WDR20: variants seen among roughly 807,000 people sequenced by gnomAD.
WDR20 encodes WD repeat-containing protein 20.
In WDR20, 3 loss-of-function variants were observed where a neutral mutation model predicts 38.7. That is an observed-to-expected ratio of 0.08 (90% confidence interval 0.04 to 0.20). WDR20 has a LOEUF of 0.20. WDR20 is among the 10% of genes least tolerant of loss of function. The probability of loss-of-function intolerance (pLI) is 1.00; values close to 1 mark genes in which losing one functional copy is unlikely to be tolerated. For missense variants in WDR20, 559 were observed against 727.7 expected (o/e 0.77, Z 2.67); for synonymous variants, 298 against 285.6 (o/e 1.04, Z -0.44).
At chr14:102,183,097 C>T (rs1419958558) in intron 1 of WDR20, among the ~76,000 whole-genome samples, 1 of 151,938 alleles carries the variant, frequency 6.6e-6, no homozygotes. Context: ...GTGCCATGAA[C>T]ATTTTTTTTA....
downstream of WDR20, chr14:102,214,105 G>A: frequency 1.0e-6 from 1 of 985,594 alleles, no homozygotes; most frequent in Non-Finnish European, 1.2e-6. Context: ...TGTGCCCTTG[G>A]CTGAGGTTTC....
intron 1 of WDR20, among the ~76,000 whole-genome samples, chr14:102,174,698 C>T (rs549481767): frequency 6.6e-6 from 1 of 152,298 alleles, no homozygotes; most frequent in South Asian, 2.1e-4. Flanking sequence ...GGACTACAGG[C>T]GTGAGCCACC....
chr14:102,174,287 G>T (rs1466057839), intron 1 of WDR20, among the ~76,000 whole-genome samples: 1 of 152,116 alleles, frequency 6.6e-6, no homozygotes, highest in African/African-American at 2.4e-5. Context: ...TCAAATGGAA[G>T]ATCTACTTTT....
chr14:102,173,654 C>A (rs2061468816), intron 1 of WDR20, among the ~76,000 whole-genome samples: 1 of 147,440 alleles, frequency 6.8e-6, no homozygotes, highest in African/African-American at 2.5e-5. Flanking sequence ...CCCCAAAGTT[C>A]ATTATATCAT....
Position 102,155,785 on chromosome 14 carries a change from C to CT in WDR20, c.249+15625dup, listed in dbSNP as rs1175213294. Among the ~76,000 whole-genome samples the CT allele has an allele frequency of 8.5e-3, 1,221 of 144,430 alleles. 15 individuals are homozygous for CT. Among genetic ancestry groups the CT allele is most frequent in the African/African-American group, 0.026 (1,032 of 39,646 alleles). The allele number at this position is 144,430 out of a possible 152,430, so 94.8% of individuals were successfully genotyped here. On this transcript the variant is annotated intron_variant, in intron 1 of 2. Transcript: ENST00000342702. Reference sequence around the variant, plus strand: ...CAATGAAAATCACAGACATTTTTTCCTTTTTTTTTTTTGAGAGGGTCTCCC... The same window carrying CT: ...CAATGAAAATCACAGACATTTTTTCCTTTTTTTTTTTTTGAGAGGGTCTCCC...
At chr14:102,143,690 G>A (rs2052376509) in intron 1 of WDR20, among the ~76,000 whole-genome samples, 2 of 151,840 alleles carry the variant, frequency 1.3e-5, no homozygotes, top group East Asian at 2.0e-4. Context: ...GACTACAGGT[G>A]CGTACCACCA....
chr14:102,170,689 T>C (rs981932797), intron 1 of WDR20, among the ~76,000 whole-genome samples: 4 of 152,068 alleles, frequency 2.6e-5, no homozygotes, highest in Admixed American at 1.3e-4. Context: ...TTTTTAAATT[T>C]TTTTAGAGAT....
rs934010369 is a variant in WDR20 at position 102,221,258 on chromosome 14, C to T, written c.1693-1572C>T. On this transcript the variant is annotated intron_variant, in intron 3 of 3. Transcript: ENST00000335263. The surrounding 1 kb of genome is among the most constrained non-coding windows in gnomAD (Gnocchi z 4.8). The stretch of plus-strand genomic sequence containing the variant: ...GCTGGGTCACCACCACTTTCTCCCT[C>T]TGCCAGGAGTAGATGACTTTTCTGT... Among the ~76,000 whole-genome samples the T allele has an allele frequency of 1.3e-5, 2 of 152,234 alleles. No homozygotes were observed. The highest frequency in any genetic ancestry group is 2.9e-5 in the Non-Finnish European group (2 of 68,040).
chr14:102,151,173 A>ATTTTTTTTTTTTTT (rs534503694), intron 1 of WDR20, among the ~76,000 whole-genome samples: 6 of 111,548 alleles, frequency 5.4e-5, no homozygotes, highest in East Asian at 2.4e-4. Context: ...CCATTGGGGA[A>ATTTTTTTTTTTTTT]TTTTTTTTTT....
At chr14:102,160,947 CAAAAAAAAAAA>C (rs57488628) in intron 1 of WDR20, among the ~76,000 whole-genome samples, 2 of 54,650 alleles carry the variant, frequency 3.7e-5, no homozygotes, top group African/African-American at 7.2e-5. Flanking sequence ...GACTCTGTCT[CAAAAAAAAAAA>C]AAAAAAAAAG....
rs116043724 is a variant in WDR20 at position 102,182,621 on chromosome 14, C to A, written c.250-12317C>A. 4.6e-3 allele frequency among the ~76,000 whole-genome samples: 693 copies of A among 152,100 alleles called. 6 individuals are homozygous for A. Among genetic ancestry groups the A allele is most frequent in the African/African-American group, 0.015 (642 of 41,504 alleles). On this transcript the variant is annotated intron_variant, in intron 1 of 2. Transcript: ENST00000342702. ...ACAGATTTTTCTGTGACCCTAATAC[C>A]AAGCAATGACATGCTTTTAAACTAC...
downstream of WDR20, among the ~76,000 whole-genome samples, chr14:102,218,497 C>G (rs2063496523): frequency 6.6e-6 from 1 of 152,258 alleles, no homozygotes; most frequent in African/African-American, 2.4e-5. Flanking sequence ...CGAGCAGCAC[C>G]TGCAGGGGCA....
chr14:102,141,923 T>A (rs1438045094), intron 1 of WDR20, among the ~76,000 whole-genome samples: 1 of 152,180 alleles, frequency 6.6e-6, no homozygotes, highest in African/African-American at 2.4e-5. Flanking sequence ...AATTTTTTTT[T>A]CTTTGAAATG....
chr14:102,214,045 G>T (rs2062897450), downstream of WDR20: 6 of 985,600 alleles, frequency 6.1e-6, no homozygotes, highest in African/African-American at 1.7e-5. Context: ...GCCGGTGGAT[G>T]GGGGAGGGAC....
intron 1 of WDR20, among the ~76,000 whole-genome samples, chr14:102,144,024 T>C (rs1008952312): frequency 2.0e-5 from 3 of 149,658 alleles, no homozygotes; most frequent in Non-Finnish European, 4.4e-5. Context: ...AAAAAAATAA[T>C]AAAAAAAAAA....
chr14:102,150,740 C>A (rs913222278), intron 1 of WDR20, among the ~76,000 whole-genome samples: 1 of 152,010 alleles, frequency 6.6e-6, no homozygotes, highest in Non-Finnish European at 1.5e-5. Context: ...AAGCAGTATG[C>A]CAGACTTTGG....
rs759623756 is a variant in WDR20 at position 102,208,854 on chromosome 14, C to A, written c.684C>A (p.Phe228Leu). The change falls in exon 3 of 3, where the codon TTC becomes TTA. Residue 228 changes from phenylalanine to leucine, a missense_variant. By Grantham distance (22) the Phe-to-Leu change is conservative. Coordinates refer to ENST00000342702, the MANE Select transcript of WDR20 (RefSeq NM_144574.4). The surrounding 1 kb of genome is among the most constrained non-coding windows in gnomAD (Gnocchi z 5.6). ...AGGGGGCCCTCAACGAGTTTGCTTT[C>A]TCCCCAGATGGCAAGTTCTTAGCGT... ...VGEGALNEFA[F>L]SPDGKFLACV... 1.2e-6 allele frequency: 2 copies of A among 1,614,252 alleles called. No homozygotes were observed. Among genetic ancestry groups the A allele is most frequent in the South Asian group, 2.2e-5 (2 of 91,088 alleles).
At chr14:102,173,465 TTATTATTATTATTA>T (rs1566913393) in intron 1 of WDR20, among the ~76,000 whole-genome samples, 20 of 145,366 alleles carry the variant, frequency 1.4e-4, no homozygotes, top group East Asian at 2.0e-4. Flanking sequence ...ATTATTATTA[TTATTATTATTATTA>T]TTTTTATCAA....
At chr14:102,139,857 C>A, upstream of WDR20, 1 of 1,580,250 alleles carries the variant, frequency 6.3e-7, no homozygotes, top group Non-Finnish European at 8.6e-7. Context: ...GAGGGAGCAC[C>A]AGGAACAGCG....
Sources: gnomAD v4.1 joint callset for allele counts (sites outside exome capture counted in the v4.1 genomes callset) on GRCh38, gnomAD v4.1.1 for gene constraint, Gnocchi (gnomAD v3.1) non-coding constraint, MANE v1.5 for transcripts, NCBI Gene and HGNC (gene_info 2026-07-23, HGNC 2026-07-21) for gene names.